The following TCF12 variants were observed in gnomAD, a reference collection of about 807,000 sequenced individuals.
The protein encoded by TCF12 is transcription factor 12, also known as DNA-binding protein HTF4.
Under a neutral mutation model 86.0 loss-of-function variants are expected in TCF12, and 45 were observed. That is an observed-to-expected ratio of 0.52 (90% CI 0.41 to 0.67). The LOEUF is 0.67. TCF12 is among the 30% of genes least tolerant of loss of function. The pLI, the probability that TCF12 is intolerant of heterozygous loss-of-function variation, is 0.00. For missense variants in TCF12, 881 were observed against 859.9 expected (o/e 1.02, Z -0.31); for synonymous variants, 330 against 299.6 (o/e 1.10, Z -1.05).
intron 3 of TCF12, among the ~76,000 whole-genome samples, chr15:56,979,486 T>A (rs1396985153): frequency 6.6e-6 from 1 of 152,196 alleles, no homozygotes; most frequent in East Asian, 1.9e-4. Flanking sequence ...TAGAAATAGA[T>A]CCTGACTTAT....
rs142276983 is a variant in TCF12 at position 57,230,306 on chromosome 15, C to A, written c.580-846C>A. On this transcript the variant is annotated intron_variant, in intron 8 of 20. Transcript: ENST00000333725. ...GCTCATAATAGCTTACCTTTCTCTTCTTCCTGACTTCTGGTTTACTTCTAT... is the reference window on the plus strand; with the variant it reads ...GCTCATAATAGCTTACCTTTCTCTTATTCCTGACTTCTGGTTTACTTCTAT... Among the ~76,000 whole-genome samples, 181 of 152,054 alleles carry A rather than the reference C, an allele frequency of 1.2e-3. 1 individual carries two copies. The highest frequency in any genetic ancestry group is 4.2e-3 in the African/African-American group (173 of 41,544).
intron 8 of TCF12, among the ~76,000 whole-genome samples, chr15:57,224,084 A>G (rs2058753392): frequency 6.6e-6 from 1 of 152,068 alleles, no homozygotes; most frequent in South Asian, 2.1e-4. Flanking sequence ...GAGTACAAAT[A>G]CTAGTGAGTT....
At chr15:57,056,551 C>T (rs566215025) in intron 3 of TCF12, among the ~76,000 whole-genome samples, 1 of 152,282 alleles carries the variant, frequency 6.6e-6, no homozygotes, top group African/African-American at 2.4e-5. Flanking sequence ...CACTGCTTCC[C>T]GGGCTCCAAT....
intron 3 of TCF12, among the ~76,000 whole-genome samples, chr15:56,995,462 T>A (rs1404995940): frequency 6.6e-6 from 1 of 151,958 alleles, no homozygotes; most frequent in Non-Finnish European, 1.5e-5. Context: ...GTTTTTCCAT[T>A]TATTTGTGTC....
intron 5 of TCF12, among the ~76,000 whole-genome samples, chr15:57,160,442 G>A (rs1211296025): frequency 4.6e-5 from 7 of 152,168 alleles, no homozygotes; most frequent in South Asian, 2.1e-4. Flanking sequence ...CTCCCACGAC[G>A]TGGGGATTAT....
chr15:57,109,336 A>G (rs1384307334), intron 5 of TCF12: 1 of 152,140 alleles, frequency 6.6e-6, no homozygotes, highest in Non-Finnish European at 1.5e-5. Flanking sequence ...ATCCTGTTTT[A>G]TGAAGGGAAT....
At chr15:57,001,947 CG>C (rs1344687395) in intron 3 of TCF12, among the ~76,000 whole-genome samples, 2 of 152,014 alleles carry the variant, frequency 1.3e-5, no homozygotes, top group Non-Finnish European at 2.9e-5. Flanking sequence ...CATAACTGTC[CG>C]GATTGAAGGA....
intron 3 of TCF12, among the ~76,000 whole-genome samples, chr15:57,053,036 A>G (rs146892790): frequency 1.6e-3 from 249 of 152,236 alleles, no homozygotes; most frequent in African/African-American, 5.8e-3. Flanking sequence ...CAACCTCCAT[A>G]CCATCTTCTT....
intron 3 of TCF12, among the ~76,000 whole-genome samples, chr15:56,922,078 T>C (rs2059819427): frequency 6.6e-6 from 1 of 151,950 alleles, no homozygotes; most frequent in Non-Finnish European, 1.5e-5. Context: ...GTCCCAACTC[T>C]TCTCTCACCT....
At chr15:56,998,129 G>C (rs2063808697) in intron 3 of TCF12, among the ~76,000 whole-genome samples, 1 of 152,166 alleles carries the variant, frequency 6.6e-6, no homozygotes, top group African/African-American at 2.4e-5. Flanking sequence ...CTTACGAATA[G>C]AACTAGTAGA....
At chr15:57,018,484 A>G (rs1236477410) in intron 3 of TCF12, among the ~76,000 whole-genome samples, 2 of 150,832 alleles carry the variant, frequency 1.3e-5, no homozygotes, top group Non-Finnish European at 2.9e-5. Flanking sequence ...TTTTTTTGAG[A>G]TGGGGCCTAG....
chr15:57,033,424 C>A (rs2066321504), intron 3 of TCF12, among the ~76,000 whole-genome samples: 1 of 152,104 alleles, frequency 6.6e-6, no homozygotes, highest in Non-Finnish European at 1.5e-5. Flanking sequence ...GTAGTTAAAT[C>A]CTGATCTTGT....
At chr15:57,096,127 G>A (rs2049305226) in intron 5 of TCF12, among the ~76,000 whole-genome samples, 1 of 152,100 alleles carries the variant, frequency 6.6e-6, no homozygotes, top group Non-Finnish European at 1.5e-5. Flanking sequence ...CATGATTATG[G>A]AGACACTGAT....
chr15:56,988,000 G>C (rs1275582186), intron 3 of TCF12, among the ~76,000 whole-genome samples: 4 of 152,142 alleles, frequency 2.6e-5, no homozygotes, highest in African/African-American at 9.7e-5. Flanking sequence ...TATATCACTT[G>C]TATTAGTATG....
At chr15:57,154,502 C>G (rs1673908999) in intron 5 of TCF12, among the ~76,000 whole-genome samples, 1 of 152,132 alleles carries the variant, frequency 6.6e-6, no homozygotes, top group Non-Finnish European at 1.5e-5. Context: ...ACCCTTTTTC[C>G]TCTATGTTAC....
Position 57,275,327 on chromosome 15 carries a change from G to GGTGT in TCF12, c.1978+2098_1978+2101dup, listed in dbSNP as rs1171707504. ...AGCCCAGGGATCTTTGTAAGGTAGG[G>GGTGT]GTGTGTGTGTGTGTGTGTGTGTGTG... is the stretch of plus-strand genomic sequence containing the variant. On this transcript the variant is annotated intron_variant, in intron 19 of 20. Coordinates refer to ENST00000333725, the MANE Select transcript of TCF12 (RefSeq NM_207037.2). Among the ~76,000 whole-genome samples the GGTGT allele has an allele frequency of 2.7e-4, 17 of 64,072 alleles. 1 individual carries two copies. The highest frequency in any genetic ancestry group is 7.9e-4 in the African/African-American group (11 of 13,926). The allele number at this position is 64,072 out of a possible 152,430, so 42.0% of individuals were successfully genotyped here. A position where few individuals can be genotyped will look rare whatever the true frequency, so the allele number is the denominator to read the frequency against.
chr15:57,078,931 A>G (rs1308878848), intron 4 of TCF12, among the ~76,000 whole-genome samples: 2 of 152,226 alleles, frequency 1.3e-5, no homozygotes, highest in African/African-American at 4.8e-5. Context: ...GTATAAGAAA[A>G]GAAAGGTAAT....
intron 8 of TCF12, 61 bp from the exon 9 acceptor site, chr15:57,231,091 T>C (rs1246683819): frequency 1.0e-5 from 14 of 1,348,292 alleles, no homozygotes; most frequent in Non-Finnish European, 1.5e-5. Context: ...ATAGAACTCA[T>C]TTTACATAAG....
intron 4 of TCF12, among the ~76,000 whole-genome samples, chr15:57,089,482 T>A (rs1231239234): frequency 1.3e-5 from 2 of 152,116 alleles, no homozygotes; most frequent in African/African-American, 4.8e-5. Context: ...ACACTACATG[T>A]AATCTAATCT....
Sources: allele counts gnomAD v4.1 joint callset (sites outside exome capture counted in the v4.1 genomes callset), GRCh38; gene constraint gnomAD v4.1.1; transcripts MANE v1.5; gene names NCBI Gene and HGNC (gene_info 2026-07-23, HGNC 2026-07-21).